The following GLIS3 variants were observed in gnomAD, a reference collection of about 807,000 sequenced individuals.
GLIS3 encodes GLIS family zinc finger 3, also known as zinc finger protein GLIS3.
GLIS3 carries 53 observed loss-of-function variants against 78.6 expected under a neutral mutation model. The observed-to-expected ratio is 0.67, with a 90% CI of 0.54 to 0.85. The LOEUF (loss-of-function observed/expected upper bound fraction) is 0.85. Ranked by LOEUF, GLIS3 falls within the 40% of genes least tolerant of loss-of-function variation. The pLI is 0.00. For missense variants in GLIS3, 1,703 were observed against 1,231.1 expected, an observed-to-expected ratio of 1.38 and a Z score of -5.74; for synonymous variants, 684 against 509.9, an observed-to-expected ratio of 1.34 and a Z score of -4.60.
the GLIS3 span, among the ~76,000 whole-genome samples, chr9:4,463,677 T>C: frequency 2.6e-5 from 4 of 152,182 alleles, no homozygotes; most frequent in Non-Finnish European, 5.9e-5. Flanking sequence ...GAAAAAAATA[T>C]TGGGGAAAAC....
At chr9:3,896,192 C>T (rs1406618757) in intron 7 of GLIS3, among the ~76,000 whole-genome samples, 1 of 152,160 alleles carries the variant, frequency 6.6e-6, no homozygotes, top group African/African-American at 2.4e-5. Flanking sequence ...ATATGCACTC[C>T]ACACAAGCAC....
rs145534251 is a variant in GLIS3, at chr9:4,214,412, A to G, written c.388+71626T>C. 2.9e-3 allele frequency among the ~76,000 whole-genome samples: 449 copies of G among 152,314 alleles called. 2 individuals carry two copies. Among genetic ancestry groups the G allele is most frequent in the African/African-American group, 0.01 (433 of 41,564 alleles). The stretch of plus-strand genomic sequence containing the variant: ...ATGTGTCGGAATCAGCAGCCAATCA[A>G]TATCTCCATCGGCACGTATGTCTTC... On this transcript the variant is annotated intron_variant, in intron 2 of 10. Coordinates refer to ENST00000381971, the MANE Select transcript of GLIS3 (RefSeq NM_001042413.2).
At chr9:4,487,444 G>A in the GLIS3 span, among the ~76,000 whole-genome samples, 3 of 152,080 alleles carry the variant, frequency 2.0e-5, no homozygotes, top group East Asian at 3.8e-4. Context: ...TGAAGAAACT[G>A]AGACATAAAA....
intron 2 of GLIS3, among the ~76,000 whole-genome samples, chr9:4,331,889 C>T (rs1462136597): frequency 6.6e-6 from 1 of 152,040 alleles, no homozygotes; most frequent in East Asian, 1.9e-4. Flanking sequence ...ATTACAGGAA[C>T]AAAAAGAAAT....
intron 4 of GLIS3, among the ~76,000 whole-genome samples, chr9:4,007,328 C>T (rs1476117820): frequency 6.6e-6 from 1 of 152,058 alleles, no homozygotes; most frequent in East Asian, 1.9e-4. Context: ...TCTTTCTCTG[C>T]CCCCACACCT....
chr9:3,907,998 A>C (rs1823839348), intron 6 of GLIS3, among the ~76,000 whole-genome samples: 1 of 152,208 alleles, frequency 6.6e-6, no homozygotes, highest in African/African-American at 2.4e-5. Context: ...GTACAGCAGG[A>C]GTATGGAAAG....
At position 3,873,352 on chromosome 9, in the gene GLIS3, C is replaced by A. The variant is rs926287640; in HGVS notation, c.2297+6075G>T. On this transcript the variant is annotated intron_variant, in intron 8 of 10. Transcript: ENST00000381971. ...GAGACAAAAAATCCTCAATAAAATA[C>A]CAGCAAACCAAACCCAACAGGACAA... 2.0e-5 allele frequency among the ~76,000 whole-genome samples: 3 copies of A among 152,074 alleles called. No homozygotes were observed. In the East Asian group the frequency reaches 5.8e-4, roughly 29 times the overall value.
At chr9:4,184,752 A>G (rs1415549785) in intron 2 of GLIS3, among the ~76,000 whole-genome samples, 4 of 152,218 alleles carry the variant, frequency 2.6e-5, no homozygotes, top group Non-Finnish European at 5.9e-5. Context: ...AACATCTGAT[A>G]AAGTCTACAA....
chr9:4,450,582 T>C, the GLIS3 span, among the ~76,000 whole-genome samples: 9 of 152,268 alleles, frequency 5.9e-5, no homozygotes, highest in Admixed American at 5.2e-4. Context: ...GAAAAAATGT[T>C]AAGGGCAGCC....
intron 2 of GLIS3, among the ~76,000 whole-genome samples, chr9:4,248,182 G>C (rs890534714): frequency 6.6e-6 from 1 of 152,106 alleles, no homozygotes; most frequent in African/African-American, 2.4e-5. Flanking sequence ...ATGGTTTGCT[G>C]CACCCGTCAA....
intron 2 of GLIS3, among the ~76,000 whole-genome samples, chr9:4,277,621 A>G (rs1298219740): frequency 1.3e-5 from 2 of 152,212 alleles, no homozygotes; most frequent in Admixed American, 6.5e-5. Context: ...ATGAATAACT[A>G]ACTCCCTTTG....
chr9:3,863,339 A>G (rs189824776), intron 8 of GLIS3, among the ~76,000 whole-genome samples: 2 of 152,234 alleles, frequency 1.3e-5, no homozygotes, highest in Non-Finnish European at 1.5e-5. Context: ...GGGAACTGCA[A>G]ATTGAATTCG....
At chr9:4,251,111 G>C (rs1451101476) in intron 2 of GLIS3, among the ~76,000 whole-genome samples, 1 of 152,182 alleles carries the variant, frequency 6.6e-6, no homozygotes, top group African/African-American at 2.4e-5. Flanking sequence ...TTCTGTAAAT[G>C]TCTATTAGGT....
chr9:4,358,588 C>T, the GLIS3 span, among the ~76,000 whole-genome samples: 1 of 152,164 alleles, frequency 6.6e-6, no homozygotes, highest in Non-Finnish European at 1.5e-5. Context: ...AAATATTGGC[C>T]TTCGTAATCC....
intron 2 of GLIS3, among the ~76,000 whole-genome samples, chr9:4,223,992 A>C (rs1449602930): frequency 6.6e-6 from 1 of 152,186 alleles, no homozygotes; most frequent in East Asian, 1.9e-4. Flanking sequence ...ACTTCTACAA[A>C]AAAGATCCAG....
At chr9:4,442,660 A>G in the GLIS3 span, among the ~76,000 whole-genome samples, 1 of 152,002 alleles carries the variant, frequency 6.6e-6, no homozygotes, top group Non-Finnish European at 1.5e-5. Context: ...TATATATTTC[A>G]AAGTCTTGGT....
chr9:4,173,276 T>C (rs142984022), intron 2 of GLIS3, among the ~76,000 whole-genome samples: 109 of 152,304 alleles, frequency 7.2e-4, no homozygotes, highest in African/African-American at 2.6e-3. Context: ...TCCTATTATA[T>C]TAAGGCTTTA....
chr9:3,846,816 G>T (rs564339184), intron 9 of GLIS3, among the ~76,000 whole-genome samples: 1 of 152,296 alleles, frequency 6.6e-6, no homozygotes, highest in South Asian at 2.1e-4. Context: ...ACCTCAATGT[G>T]TAAGTGAATT....
At chr9:4,035,120 C>G (rs1824196677) in intron 4 of GLIS3, 3 of 152,310 alleles carry the variant, frequency 2.0e-5, no homozygotes, top group East Asian at 1.9e-4. Flanking sequence ...TAGAAATAAT[C>G]TCAACAAGAC....
Sources: allele counts gnomAD v4.1 joint callset (sites outside exome capture counted in the v4.1 genomes callset), GRCh38; gene constraint gnomAD v4.1.1; transcripts MANE v1.5; gene names NCBI Gene and HGNC (gene_info 2026-07-23, HGNC 2026-07-21).